Variants in RRP15 observed in about 807,000 individuals in gnomAD.
The protein encoded by RRP15 is RRP15-like protein.
A neutral mutation model predicts 27.1 loss-of-function variants in RRP15; 18 were observed. The ratio of observed to expected loss-of-function variants is 0.66; its 90% CI spans 0.46 to 0.98. The LOEUF is 0.98. Among genes scored for constraint, RRP15 ranks in the 50% least tolerant of loss-of-function variants. The probability of loss-of-function intolerance (pLI) is 0.00; values close to 1 mark genes in which losing one functional copy is unlikely to be tolerated. For missense variants in RRP15, 359 were observed against 337.8 expected (o/e 1.06, Z -0.49); for synonymous variants, 107 against 109.4 (o/e 0.98, Z 0.14).
rs931747301 is a variant in RRP15, at chr1:218,333,949, A to T, written c.*2858A>T. On this transcript the variant is annotated 3_prime_UTR_variant, in exon 5 of 5. Transcript: ENST00000366932. ...GTTAGAAAGAACTATGGAAAATAGGAACCAATAATTTGGAAGTATTATTTC... is the reference window on the plus strand; with the variant it reads ...GTTAGAAAGAACTATGGAAAATAGGTACCAATAATTTGGAAGTATTATTTC... 2.0e-5 allele frequency: 3 copies of T among 152,230 alleles called. No homozygotes were observed. The highest frequency in any genetic ancestry group is 6.5e-5 in the Admixed American group (1 of 15,286). 9.4% of individuals were successfully genotyped at this position (152,230 alleles called of 1,614,324 possible). A position where few individuals can be genotyped will look rare whatever the true frequency, so the allele number is the denominator to read the frequency against.
intron 1 of RRP15, among the ~76,000 whole-genome samples, chr1:218,296,901 A>G (rs1196008928): frequency 6.6e-6 from 1 of 152,006 alleles, no homozygotes; most frequent in Non-Finnish European, 1.5e-5. Context: ...TTGAAGTCAC[A>G]CTTATTTTCC....
At chr1:218,320,342 A>T (rs1354568910) in intron 4 of RRP15, among the ~76,000 whole-genome samples, 3 of 151,816 alleles carry the variant, frequency 2.0e-5, no homozygotes, top group Non-Finnish European at 4.4e-5. Context: ...TAGTTTACTG[A>T]GAATGATGAT....
intron 4 of RRP15, among the ~76,000 whole-genome samples, chr1:218,330,184 A>C (rs1429335013): frequency 6.6e-6 from 1 of 152,164 alleles, no homozygotes; most frequent in African/African-American, 2.4e-5. Context: ...GGAAGGAATG[A>C]AAAATTTTGA....
intron 1 of RRP15, among the ~76,000 whole-genome samples, chr1:218,287,668 A>G (rs978285281): frequency 1.3e-5 from 2 of 151,822 alleles, no homozygotes; most frequent in Admixed American, 1.3e-4. Context: ...AGAAATTCAT[A>G]TCCTCTGGAA....
rs1314781267 is a variant in RRP15, at chr1:218,307,353, T to TA, written c.504-77dup. 7 of 1,264,620 alleles carry TA rather than the reference T, an allele frequency of 5.5e-6. No homozygotes were observed. In the East Asian group the frequency reaches 1.7e-4, roughly 31 times the overall value. 78.3% of individuals were successfully genotyped at this position (1,264,620 alleles called of 1,614,324 possible). A position where few individuals can be genotyped will look rare whatever the true frequency, so the allele number is the denominator to read the frequency against. ...TTGCCTCTTTTCTAGACAGTGAAAA[T>TA]ACATTTTTCCTATCCTCAGAGTTTG... On this transcript the variant is annotated intron_variant, in intron 3 of 4. Coordinates refer to ENST00000366932, the MANE Select transcript of RRP15 (RefSeq NM_016052.4).
intron 1 of RRP15, among the ~76,000 whole-genome samples, chr1:218,288,279 T>C (rs1475541922): frequency 6.6e-6 from 1 of 152,230 alleles, no homozygotes; most frequent in Non-Finnish European, 1.5e-5. Flanking sequence ...AGGGCCCCAC[T>C]TGAAATATTT....
chr1:218,318,162 T>C (rs1266363722), intron 4 of RRP15, among the ~76,000 whole-genome samples: 1 of 152,210 alleles, frequency 6.6e-6, no homozygotes, highest in Non-Finnish European at 1.5e-5. Flanking sequence ...TCTGCCTTTC[T>C]CTCCATCTAG....
At position 218,337,302 on chromosome 1, in the gene RRP15, G is replaced by C. The variant is rs761211899; in HGVS notation, c.*6211G>C. 6.6e-6 allele frequency: 1 copy of C among 152,292 alleles called. No homozygotes were observed. The highest frequency in any genetic ancestry group is 1.5e-5 in the Non-Finnish European group (1 of 68,020). The allele number at this position is 152,292 out of a possible 1,614,324, so 9.4% of individuals were successfully genotyped here. The stretch of plus-strand genomic sequence containing the variant: ...CCCAACAAAAATTTAAAGTCTAACA[G>C]GTGGTAGGTGCTTATTGAGGCCCAG... On this transcript the variant is annotated 3_prime_UTR_variant, in exon 5 of 5. Transcript: ENST00000366932.
At chr1:218,287,489 C>G (rs1571789715) in intron 1 of RRP15, among the ~76,000 whole-genome samples, 1 of 152,190 alleles carries the variant, frequency 6.6e-6, no homozygotes, top group East Asian at 1.9e-4. Flanking sequence ...CCCTTAGGTT[C>G]CAGTCACCCT....
rs1483763982 is a variant in RRP15, at chr1:218,336,146, T to C, written c.*5055T>C. Reference sequence around the variant, plus strand: ...CTACTTATTTAGGAGGTTTCCTAAGTAAGTGTATTTAGTTGTAGGACCTTA... The same window carrying C: ...CTACTTATTTAGGAGGTTTCCTAAGCAAGTGTATTTAGTTGTAGGACCTTA... On this transcript the variant is annotated 3_prime_UTR_variant, in exon 5 of 5. Transcript: ENST00000366932. 1 of 152,138 alleles carries C rather than the reference T, an allele frequency of 6.6e-6. No homozygotes were observed. Among genetic ancestry groups the C allele is most frequent in the Non-Finnish European group, 1.5e-5 (1 of 68,034 alleles). The allele number at this position is 152,138 out of a possible 1,614,324, so 9.4% of individuals were successfully genotyped here. A position where few individuals can be genotyped will look rare whatever the true frequency, so the allele number is the denominator to read the frequency against.
At chr1:218,298,474 C>T (rs959820985) in intron 1 of RRP15, among the ~76,000 whole-genome samples, 2 of 152,112 alleles carry the variant, frequency 1.3e-5, no homozygotes, top group Admixed American at 6.5e-5. Context: ...CATAAGTGCT[C>T]AGTGAATGTT....
intron 1 of RRP15, among the ~76,000 whole-genome samples, chr1:218,294,453 C>G (rs548042162): frequency 6.8e-6 from 1 of 147,950 alleles, no homozygotes; most frequent in Non-Finnish European, 1.5e-5. Context: ...GATTAATTTT[C>G]TAGAGCAACT....
intron 4 of RRP15, among the ~76,000 whole-genome samples, chr1:218,318,733 T>C (rs1310184641): frequency 6.6e-6 from 1 of 151,902 alleles, no homozygotes; most frequent in African/African-American, 2.4e-5. Context: ...GTTAAAGTGA[T>C]AATAAATACT....
At position 218,332,106 on chromosome 1, in the gene RRP15, T is replaced by C. The variant is rs1011612682; in HGVS notation, c.*1015T>C. 3 of 150,390 alleles carry C rather than the reference T, an allele frequency of 2.0e-5. No individual in the cohort carries two copies. The highest frequency in any genetic ancestry group is 2.9e-5 in the Non-Finnish European group (2 of 67,904). The allele number at this position is 150,390 out of a possible 1,614,324, so 9.3% of individuals were successfully genotyped here. The stretch of plus-strand genomic sequence containing the variant: ...GGTGGAAATTCTCATGCTTAACTTA[T>C]GCAATGAGACAATTTCTCAGGAAGC... On this transcript the variant is annotated 3_prime_UTR_variant, in exon 5 of 5. Transcript: ENST00000366932.
chr1:218,322,629 C>T (rs1656204434), intron 4 of RRP15, among the ~76,000 whole-genome samples: 1 of 151,996 alleles, frequency 6.6e-6, no homozygotes, highest in Admixed American at 6.6e-5. Flanking sequence ...TTGTTTTCCA[C>T]CCCATTCTGC....
At position 218,305,130 on chromosome 1, in the gene RRP15, G is replaced by A. The variant is rs1402759018; in HGVS notation, c.503+5G>A. 2 of 1,606,322 alleles carry A rather than the reference G, an allele frequency of 1.2e-6. No homozygotes were observed. Among genetic ancestry groups the A allele is most frequent in the Admixed American group, 1.7e-5 (1 of 59,796 alleles). ...TCTTCAGAGAATTGCAACAAGGTAA[G>A]GTAGTGTTTTTGCCCTTTAAAAAAT... On this transcript the variant is annotated splice_donor_5th_base_variant and intron_variant, in intron 3 of 4. Transcript: ENST00000366932.
chr1:218,322,630 C>T (rs576291571), intron 4 of RRP15, among the ~76,000 whole-genome samples: 2 of 151,926 alleles, frequency 1.3e-5, no homozygotes, highest in East Asian at 3.9e-4. Context: ...TGTTTTCCAC[C>T]CCATTCTGCC....
intron 4 of RRP15, among the ~76,000 whole-genome samples, chr1:218,320,012 C>G (rs1481118975): frequency 1.4e-5 from 2 of 144,024 alleles, no homozygotes; most frequent in Non-Finnish European, 3.0e-5. Flanking sequence ...TTTCAGGTAC[C>G]TTAGGTTTTT....
At chr1:218,323,856 C>T (rs1656227995) in intron 4 of RRP15, among the ~76,000 whole-genome samples, 1 of 152,220 alleles carries the variant, frequency 6.6e-6, no homozygotes, top group Non-Finnish European at 1.5e-5. Flanking sequence ...CAACCTTGCT[C>T]TGAGATCAGA....
Sources: allele counts gnomAD v4.1 joint callset (sites outside exome capture counted in the v4.1 genomes callset), GRCh38; gene constraint gnomAD v4.1.1; transcripts MANE v1.5; gene names NCBI Gene and HGNC (gene_info 2026-07-23, HGNC 2026-07-21).